Variants in SLC25A21 observed in about 807,000 individuals in gnomAD.
The protein encoded by SLC25A21 is solute carrier family 25 member 21.
SLC25A21 carries 47 observed loss-of-function variants against 43.8 expected under a neutral mutation model. The observed-to-expected ratio is 1.07, with a 90% CI of 0.85 to 1.37. The LOEUF (loss-of-function observed/expected upper bound fraction) is 1.37, where lower values mean the gene tolerates loss of function less well. Ranked by LOEUF, SLC25A21 falls within the 40% of genes most tolerant of loss-of-function variation. The pLI, the probability that SLC25A21 is intolerant of heterozygous loss-of-function variation, is 0.00. For synonymous variants in SLC25A21, 131 were observed against 121.3 expected (o/e 1.08, Z -0.52); for missense variants, 352 against 350.2 (o/e 1.00, Z -0.04).
chr14:36,786,464 G>A (rs927669352), intron 3 of SLC25A21, among the ~76,000 whole-genome samples: 4 of 152,146 alleles, frequency 2.6e-5, no homozygotes, highest in Non-Finnish European at 4.4e-5. Context: ...TTTAGAACAG[G>A]CCAATTAGAA....
Position 36,680,706 on chromosome 14 carries a change from C to A in SLC25A21, c.852G>T (p.Met284Ile). 3 of 1,612,976 alleles carry A rather than the reference C, an allele frequency of 1.9e-6. No individual in the cohort carries two copies. Among genetic ancestry groups the A allele is most frequent in the Non-Finnish European group, 2.5e-6 (3 of 1,179,550 alleles). ...AATAGGTGTATTCATAAACCAGCAG[C>A]ATCACTGCACCACCTAGAAAAGAAA... ...IMRLGPGGAV[M>I]LLVYEYTYSW... The change falls in exon 10 of 10, where the codon ATG becomes ATT. Residue 284 changes from methionine (M) to isoleucine (I), a missense_variant. By Grantham distance (10) the Met-to-Ile change is conservative. Transcript: ENST00000331299.
intron 1 of SLC25A21, among the ~76,000 whole-genome samples, chr14:37,040,931 C>G (rs529292958): frequency 5.9e-5 from 9 of 151,548 alleles, no homozygotes; most frequent in Non-Finnish European, 1.3e-4. Flanking sequence ...ATGATAAATT[C>G]ATTCTAATAT....
chr14:37,116,465 C>T (rs557671091), intron 1 of SLC25A21, among the ~76,000 whole-genome samples: 8 of 152,240 alleles, frequency 5.3e-5, no homozygotes, highest in Non-Finnish European at 8.8e-5. Context: ...ATTGAAAGCC[C>T]TTACTAGGCA....
chr14:36,785,458 T>C (rs1033547988), intron 3 of SLC25A21, among the ~76,000 whole-genome samples: 5 of 152,200 alleles, frequency 3.3e-5, no homozygotes, highest in East Asian at 1.9e-4. Flanking sequence ...GAGATGTATA[T>C]ATTTTCTCTC....
rs536319862 is a variant in SLC25A21, at chr14:36,978,848, G to A, written c.71-103844C>T. On this transcript the variant is annotated intron_variant, in intron 1 of 9. Coordinates refer to ENST00000331299, the MANE Select transcript of SLC25A21 (RefSeq NM_030631.4). ...CTAAATCAGGCACATTGCTAGGAGTGCTAATATCAACCCGCTGTTCTAAGT... is the reference window on the plus strand; with the variant it reads ...CTAAATCAGGCACATTGCTAGGAGTACTAATATCAACCCGCTGTTCTAAGT... 1.2e-3 allele frequency among the ~76,000 whole-genome samples: 182 copies of A among 152,226 alleles called. 1 individual carries two copies. Among genetic ancestry groups the A allele is most frequent in the African/African-American group, 4.4e-3 (182 of 41,534 alleles).
intron 1 of SLC25A21, among the ~76,000 whole-genome samples, chr14:37,125,907 T>C (rs571381783): frequency 6.6e-6 from 1 of 152,300 alleles, no homozygotes; most frequent in African/African-American, 2.4e-5. Flanking sequence ...AAAAGACACA[T>C]TCCTTGCTCA....
chr14:37,095,348 T>C (rs1011172559), intron 1 of SLC25A21, among the ~76,000 whole-genome samples: 8 of 151,924 alleles, frequency 5.3e-5, no homozygotes, highest in African/African-American at 1.9e-4. Flanking sequence ...TGAAACCCTG[T>C]CTCTACTAAA....
chr14:36,994,171 G>A (rs190215935), intron 1 of SLC25A21, among the ~76,000 whole-genome samples: 5 of 152,242 alleles, frequency 3.3e-5, no homozygotes, highest in African/African-American at 1.2e-4. Context: ...ATTAGGGATC[G>A]GGGAGATGTC....
intron 6 of SLC25A21, among the ~76,000 whole-genome samples, chr14:36,718,021 T>G (rs984369498): frequency 6.6e-6 from 1 of 152,094 alleles, no homozygotes; most frequent in African/African-American, 2.4e-5. Flanking sequence ...TAAAAAAGTA[T>G]TATGTTAATA....
intron 1 of SLC25A21, among the ~76,000 whole-genome samples, chr14:37,068,993 T>C (rs1198647553): frequency 6.6e-6 from 1 of 150,482 alleles, no homozygotes; most frequent in Non-Finnish European, 1.5e-5. Context: ...GCTAACACGG[T>C]GAAACCCCGT....
intron 1 of SLC25A21, among the ~76,000 whole-genome samples, chr14:37,063,469 C>T (rs1015047122): frequency 1.1e-4 from 16 of 152,012 alleles, no homozygotes; most frequent in African/African-American, 3.9e-4. Flanking sequence ...CACTGCACTC[C>T]AGTCTGGGTG....
chr14:36,757,843 CAA>C (rs951862052), intron 3 of SLC25A21, among the ~76,000 whole-genome samples: 11 of 152,160 alleles, frequency 7.2e-5, no homozygotes, highest in African/African-American at 2.4e-4. Context: ...TTTTGCAGCC[CAA>C]AGTTTCCTCT....
At chr14:37,004,527 C>G (rs137881968) in intron 1 of SLC25A21, among the ~76,000 whole-genome samples, 1 of 152,178 alleles carries the variant, frequency 6.6e-6, no homozygotes. Context: ...ATCCACTAGA[C>G]AGGAAGACAG....
chr14:37,090,859 G>A (rs951753999), intron 1 of SLC25A21, among the ~76,000 whole-genome samples: 1 of 152,132 alleles, frequency 6.6e-6, no homozygotes, highest in African/African-American at 2.4e-5. Flanking sequence ...CACTAGTTAT[G>A]TCCAATAAAG....
At chr14:36,984,111 C>T (rs796830185) in intron 1 of SLC25A21, among the ~76,000 whole-genome samples, 8 of 152,114 alleles carry the variant, frequency 5.3e-5, no homozygotes, top group Non-Finnish European at 8.8e-5. Context: ...TAAACCTGCA[C>T]GTGTATCCCC....
chr14:36,810,878 A>AATAG (rs1555329729), intron 3 of SLC25A21, among the ~76,000 whole-genome samples: 1 of 82,500 alleles, frequency 1.2e-5, no homozygotes, highest in Non-Finnish European at 2.8e-5. Context: ...TATGTAGAGA[A>AATAG]AGAAAAGAGT....
chr14:36,866,721 AG>A (rs1158042604), intron 2 of SLC25A21, among the ~76,000 whole-genome samples: 2 of 152,178 alleles, frequency 1.3e-5, no homozygotes, highest in African/African-American at 4.8e-5. Context: ...TGTCTAATCC[AG>A]GGACCTCTAG....
At chr14:37,090,542 C>T (rs1962565093) in intron 1 of SLC25A21, among the ~76,000 whole-genome samples, 1 of 152,202 alleles carries the variant, frequency 6.6e-6, no homozygotes, top group Non-Finnish European at 1.5e-5. Context: ...GAGGCTAGTG[C>T]TACTTAGCTT....
chr14:36,709,381 T>C (rs1883730624), intron 7 of SLC25A21, among the ~76,000 whole-genome samples: 1 of 152,192 alleles, frequency 6.6e-6, no homozygotes. Flanking sequence ...GCCTTACAAA[T>C]TATTTAGCAG....
Sources: gnomAD v4.1 joint callset for allele counts (sites outside exome capture counted in the v4.1 genomes callset) on GRCh38, gnomAD v4.1.1 for gene constraint, MANE v1.5 for transcripts, NCBI Gene and HGNC (gene_info 2026-07-23, HGNC 2026-07-21) for gene names.